Variants in DCC observed in about 807,000 individuals in gnomAD.
DCC encodes netrin receptor DCC.
Under a neutral mutation model 172.5 loss-of-function variants are expected in DCC, and 58 were observed. That is an observed-to-expected ratio of 0.34 (90% CI 0.27 to 0.42). The LOEUF is 0.42. Ranked by LOEUF, DCC falls within the 10% of genes least tolerant of loss-of-function variation. The pLI, the probability that DCC is intolerant of heterozygous loss-of-function variation, is 1.00. For missense variants in DCC, 1,740 were observed against 1,791.0 expected (o/e 0.97, Z 0.51); for synonymous variants, 709 against 644.5 (o/e 1.10, Z -1.52).
rs542606036 is a variant in DCC, at chr18:52,926,397, T to C, written c.985+1027T>C. Among the ~76,000 whole-genome samples, 40 of 151,940 alleles carry C rather than the reference T, an allele frequency of 2.6e-4. No homozygotes were observed. In the South Asian group the frequency reaches 8.1e-3, roughly 31 times the overall value. ...CAAATCATAAACATTAAACCAGGAATGGGCAAAAGACTTAAACCCTGGATT... is the reference window on the plus strand; with the variant it reads ...CAAATCATAAACATTAAACCAGGAACGGGCAAAAGACTTAAACCCTGGATT... On this transcript the variant is annotated intron_variant, in intron 5 of 28. Transcript: ENST00000442544.
chr18:53,045,705 T>C (rs1412896183), intron 5 of DCC, among the ~76,000 whole-genome samples: 1 of 151,950 alleles, frequency 6.6e-6, no homozygotes, highest in East Asian at 1.9e-4. Context: ...GATTTCGCTA[T>C]TTTGTAAAAG....
chr18:52,402,660 C>T (rs1265375807), intron 1 of DCC, among the ~76,000 whole-genome samples: 1 of 151,984 alleles, frequency 6.6e-6, no homozygotes, highest in Non-Finnish European at 1.5e-5. Context: ...AAATGTGTAA[C>T]TAATGAGACT....
chr18:53,424,442 A>G (rs922865675), intron 21 of DCC, among the ~76,000 whole-genome samples: 12 of 152,200 alleles, frequency 7.9e-5, no homozygotes, highest in Admixed American at 2.0e-4. Context: ...GAAGCTTGCA[A>G]TATAGTTAGG....
At chr18:53,493,884 G>A (rs984988681) in intron 26 of DCC, among the ~76,000 whole-genome samples, 13 of 151,594 alleles carry the variant, frequency 8.6e-5, no homozygotes, top group African/African-American at 3.1e-4. Context: ...GAATTTGTTT[G>A]CTCTTGCTTC....
chr18:53,429,103 ATAAT>A lies in DCC; in HGVS notation c.3164-6040_3164-6037del, dbSNP rs1263242629. Among the ~76,000 whole-genome samples, 5 of 91,114 alleles carry A rather than the reference ATAAT, an allele frequency of 5.5e-5. 1 individual carries two copies. Among genetic ancestry groups the A allele is most frequent in the Admixed American group, 3.1e-4 (2 of 6,388 alleles). The allele number at this position is 91,114 out of a possible 152,430, so 59.8% of individuals were successfully genotyped here. A position where few individuals can be genotyped will look rare whatever the true frequency, so the allele number is the denominator to read the frequency against. ...ATTTTATATAATATATATTTTATAT[ATAAT>A]ATATATATTTTATATATATATAAAT... On this transcript the variant is annotated intron_variant, in intron 21 of 28. Coordinates refer to ENST00000442544, the MANE Select transcript of DCC (RefSeq NM_005215.4).
intron 12 of DCC, among the ~76,000 whole-genome samples, chr18:53,254,454 C>G (rs35947700): frequency 6.6e-6 from 1 of 152,026 alleles, no homozygotes; most frequent in African/African-American, 2.4e-5. Flanking sequence ...CTATCAGCAC[C>G]TGAATCACCA....
intron 5 of DCC, among the ~76,000 whole-genome samples, chr18:53,013,576 C>A (rs2041762427): frequency 6.6e-6 from 1 of 151,332 alleles, no homozygotes; most frequent in Non-Finnish European, 1.5e-5. Flanking sequence ...AGCCTTAGGA[C>A]AAATACCTAA....
intron 2 of DCC, among the ~76,000 whole-genome samples, chr18:52,851,543 A>T (rs2038975526): frequency 6.6e-6 from 1 of 152,032 alleles, no homozygotes; most frequent in South Asian, 2.1e-4. Flanking sequence ...AAAAGTTTGT[A>T]TGTTGTTTCC....
chr18:52,850,966 C>T (rs1271388111), intron 2 of DCC, among the ~76,000 whole-genome samples: 1 of 151,882 alleles, frequency 6.6e-6, no homozygotes, highest in Non-Finnish European at 1.5e-5. Context: ...TTTACAGCTT[C>T]GATATTACCT....
intron 22 of DCC, among the ~76,000 whole-genome samples, chr18:53,442,354 A>G (rs1476935314): frequency 6.6e-6 from 1 of 152,168 alleles, no homozygotes; most frequent in African/African-American, 2.4e-5. Context: ...TTAAATTATT[A>G]TTATATCTGC....
chr18:53,346,413 A>G (rs1938969103), intron 15 of DCC, among the ~76,000 whole-genome samples: 1 of 152,042 alleles, frequency 6.6e-6, no homozygotes, highest in Non-Finnish European at 1.5e-5. Flanking sequence ...AATTATATGT[A>G]TTTTAGACAT....
At chr18:52,687,215 C>G (rs192899250) in intron 1 of DCC, among the ~76,000 whole-genome samples, 1 of 151,904 alleles carries the variant, frequency 6.6e-6, no homozygotes, top group African/African-American at 2.4e-5. Flanking sequence ...TCTTGAATCA[C>G]TCTTTTGGAA....
intron 10 of DCC, among the ~76,000 whole-genome samples, chr18:53,205,673 C>T (rs956710132): frequency 1.3e-5 from 2 of 152,142 alleles, no homozygotes; most frequent in Non-Finnish European, 2.9e-5. Context: ...CTCACCTGGT[C>T]GTGGAAGGCA....
chr18:53,344,440 C>CTTTTT (rs71175582), intron 15 of DCC, among the ~76,000 whole-genome samples: 29 of 97,052 alleles, frequency 3.0e-4, no homozygotes, highest in African/African-American at 4.5e-4. Flanking sequence ...TTTCGTTTTT[C>CTTTTT]TTTTTTTTTT....
intron 1 of DCC, among the ~76,000 whole-genome samples, chr18:52,392,400 A>G (rs1297422905): frequency 6.6e-6 from 1 of 152,110 alleles, no homozygotes; most frequent in Non-Finnish European, 1.5e-5. Flanking sequence ...TGCTAATGCT[A>G]TTAATAGGAT....
At position 52,806,023 on chromosome 18, in the gene DCC, C is replaced by T. The variant is rs73455835; in HGVS notation, c.412+53649C>T. Among the ~76,000 whole-genome samples, 1,455 of 152,274 alleles carry T rather than the reference C, an allele frequency of 9.6e-3. 26 individuals are homozygous for T. The highest frequency in any genetic ancestry group is 0.033 in the African/African-American group (1,367 of 41,550). On this transcript the variant is annotated intron_variant, in intron 2 of 28. Coordinates refer to ENST00000442544, the MANE Select transcript of DCC (RefSeq NM_005215.4). ...GCTTGAGGTTTAAGGTGATGAAGGA[C>T]TTTTAGGCATATTTGAAATATACCC...
intron 3 of DCC, among the ~76,000 whole-genome samples, chr18:52,907,241 C>CATATATACATGATATGTCAAGG (rs2039897698): frequency 9.7e-6 from 1 of 102,656 alleles, no homozygotes; most frequent in Admixed American, 1.1e-4. Context: ...TGATAGATAT[C>CATATATACATGATATGTCAAGG]ATATATACAT....
chr18:53,411,443 TA>T (rs1909983981), intron 20 of DCC, among the ~76,000 whole-genome samples: 1 of 152,206 alleles, frequency 6.6e-6, no homozygotes, highest in African/African-American at 2.4e-5. Flanking sequence ...AAGGATAACT[TA>T]GCTCTTAAAT....
intron 14 of DCC, among the ~76,000 whole-genome samples, chr18:53,322,362 G>A (rs1235650284): frequency 6.6e-6 from 1 of 152,096 alleles, no homozygotes; most frequent in Non-Finnish European, 1.5e-5. Flanking sequence ...GAATGACATA[G>A]CATTGATTAT....
Sources: gnomAD v4.1 joint callset for allele counts (sites outside exome capture counted in the v4.1 genomes callset) on GRCh38, gnomAD v4.1.1 for gene constraint, MANE v1.5 for transcripts, NCBI Gene and HGNC (gene_info 2026-07-23, HGNC 2026-07-21) for gene names.